GTF2H1: variants seen among roughly 807,000 people sequenced by gnomAD.
GTF2H1 encodes the protein BTF2 p62.
A neutral mutation model predicts 71.2 loss-of-function variants in GTF2H1; 16 were observed. That is an observed-to-expected ratio of 0.22 (90% confidence interval 0.15 to 0.34). The LOEUF is 0.34. Among genes scored for constraint, GTF2H1 ranks in the 10% least tolerant of loss-of-function variants. The pLI is 1.00. For synonymous variants in GTF2H1, 215 were observed against 219.0 expected, an observed-to-expected ratio of 0.98 and a Z score of 0.16; for missense variants, 498 against 648.2, an observed-to-expected ratio of 0.77 and a Z score of 2.52.
intron 11 of GTF2H1, among the ~76,000 whole-genome samples, chr11:18,355,484 A>AAAAC (rs1565017639): frequency 6.7e-6 from 1 of 149,840 alleles, no homozygotes; most frequent in East Asian, 2.0e-4. Flanking sequence ...AACATACAGT[A>AAAAC]AAATAAATAA....
intron 7 of GTF2H1, among the ~76,000 whole-genome samples, chr11:18,342,258 T>TTG (rs1323313722): frequency 4.6e-4 from 58 of 126,948 alleles, no homozygotes; most frequent in African/African-American, 1.8e-3. Context: ...GTCTCTTTTT[T>TTG]TTTTTTTTTT....
At chr11:18,348,453 T>C (rs561848213) in intron 9 of GTF2H1, 2 of 156,044 alleles carry the variant, frequency 1.3e-5, no homozygotes, top group African/African-American at 4.8e-5. Flanking sequence ...TGTACCTCCC[T>C]TCCTAATTAT....
intron 2 of GTF2H1, among the ~76,000 whole-genome samples, chr11:18,334,429 T>C (rs1314469503): frequency 6.6e-6 from 1 of 152,228 alleles, no homozygotes; most frequent in Non-Finnish European, 1.5e-5. Flanking sequence ...TACTAGCTAA[T>C]AGCCTTAGCT....
At chr11:18,340,363 C>T (rs1217829618) in intron 5 of GTF2H1, among the ~76,000 whole-genome samples, 2 of 152,070 alleles carry the variant, frequency 1.3e-5, no homozygotes, top group Non-Finnish European at 2.9e-5. Context: ...TCTTGGCTCA[C>T]TGCAACCTCC....
At chr11:18,352,536 T>A (rs1865450619) in intron 11 of GTF2H1, 90 bp downstream of exon 11, 1 of 608,344 alleles carries the variant, frequency 1.6e-6, no homozygotes, top group African/African-American at 1.9e-5. Flanking sequence ...ACAACTAATA[T>A]TTTAATTGGG....
At chr11:18,336,438 A>T (rs1383893752) in intron 3 of GTF2H1, among the ~76,000 whole-genome samples, 2 of 151,748 alleles carry the variant, frequency 1.3e-5, no homozygotes, top group East Asian at 1.9e-4. Context: ...ACCTATCCTC[A>T]CTTTTGCTAT....
chr11:18,341,438 G>A (rs758491942), intron 6 of GTF2H1, 28 bp downstream of exon 6: 2 of 1,611,436 alleles, frequency 1.2e-6, no homozygotes, highest in Non-Finnish European at 8.5e-7. Context: ...ATAGACACTG[G>A]TATTTAACTT....
At position 18,322,571 on chromosome 11, in the gene GTF2H1, T is replaced by G. The variant is rs565148806; in HGVS notation, c.-185T>G. 1 of 152,128 alleles carries G rather than the reference T, an allele frequency of 6.6e-6. No individual in the cohort carries two copies. The highest frequency in any genetic ancestry group is 6.5e-5 in the Admixed American group (1 of 15,276). 9.4% of individuals were successfully genotyped at this position (152,128 alleles called of 1,614,324 possible). On this transcript the variant is annotated 5_prime_UTR_variant, in exon 1 of 15. Transcript: ENST00000265963. ...TACTTCCGGTCACGTGCCCTCAGAC[T>G]CCTCGCAGCCAGCGATGGAGGCGAG...
intron 14 of GTF2H1, among the ~76,000 whole-genome samples, chr11:18,365,569 G>A (rs148765273): frequency 3.3e-4 from 50 of 152,096 alleles, no homozygotes; most frequent in African/African-American, 1.2e-3. Context: ...CATTACAACC[G>A]CAGCCTTTTC....
At chr11:18,363,931 G>A (rs533890047) in intron 14 of GTF2H1, among the ~76,000 whole-genome samples, 32 of 152,124 alleles carry the variant, frequency 2.1e-4, no homozygotes, top group Middle Eastern at 6.8e-3. Flanking sequence ...AAAATTAGCC[G>A]GGCGTTGTGG....
intron 7 of GTF2H1, among the ~76,000 whole-genome samples, chr11:18,346,817 C>T (rs1465181558): frequency 6.7e-6 from 1 of 148,592 alleles, no homozygotes; most frequent in Non-Finnish European, 1.5e-5. Context: ...CTCACTGCCA[C>T]CTCTGCCTCC....
At chr11:18,332,815 A>G in intron 1 of GTF2H1, 1 of 283,216 alleles carries the variant, frequency 3.5e-6, no homozygotes, top group Non-Finnish European at 6.5e-6. Context: ...AATTAATAAT[A>G]CTCATTAGCA....
chr11:18,364,161 G>C (rs1008579544), intron 14 of GTF2H1, among the ~76,000 whole-genome samples: 1 of 152,046 alleles, frequency 6.6e-6, no homozygotes, highest in Non-Finnish European at 1.5e-5. Flanking sequence ...TATAGATACT[G>C]CTGCCCATCA....
At chr11:18,353,640 T>C (rs1865476990) in intron 11 of GTF2H1, among the ~76,000 whole-genome samples, 1 of 152,228 alleles carries the variant, frequency 6.6e-6, no homozygotes, top group African/African-American at 2.4e-5. Flanking sequence ...ATTTGTTTTT[T>C]CCTTTTCTCC....
chr11:18,351,162 A>G (rs549511385), intron 9 of GTF2H1, among the ~76,000 whole-genome samples: 1 of 152,166 alleles, frequency 6.6e-6, no homozygotes, highest in South Asian at 2.1e-4. Context: ...GCATGGTAGC[A>G]TGTGTCTGTA....
In GTF2H1 at chr11:18,347,659, C is replaced by G. The variant is rs1865326720; in HGVS notation, c.909C>G (p.Ile303Met). ...TAAAAGAGAATAGTAATGCTGCCAT[C>G]ATCAAGAGATTTAACCATCACAGTG... is the stretch of plus-strand genomic sequence containing the variant. ...KSIKENSNAA[I>M]IKRFNHHSAM... Residue 303 changes from isoleucine to methionine, a missense_variant, in exon 8 of 15, where the codon ATC becomes ATG. This residue lies in a region of GTF2H1 where 266 missense variants were observed against 301.6 expected (regional missense o/e 0.88). Coordinates refer to ENST00000265963, the MANE Select transcript of GTF2H1 (RefSeq NM_005316.4). 2 of 1,612,384 alleles carry G rather than the reference C, an allele frequency of 1.2e-6. No individual in the cohort carries two copies. The highest frequency in any genetic ancestry group is 1.7e-6 in the Non-Finnish European group (2 of 1,178,392).
At chr11:18,327,984 G>GA (rs1766096674) in intron 1 of GTF2H1, among the ~76,000 whole-genome samples, 1 of 152,104 alleles carries the variant, frequency 6.6e-6, no homozygotes, top group Non-Finnish European at 1.5e-5. Flanking sequence ...TGAGGCGGGG[G>GA]ATCACTAGGT....
intron 1 of GTF2H1, among the ~76,000 whole-genome samples, chr11:18,323,852 A>G (rs1864664252): frequency 6.6e-6 from 1 of 152,220 alleles, no homozygotes; most frequent in African/African-American, 2.4e-5. Context: ...AAAGTTGCCA[A>G]CCTTAAGATT....
rs749850736 is a variant in GTF2H1, at chr11:18,341,278, G to A, written c.625G>A (p.Glu209Lys). ...TYPAVKMKYA[E>K]NVPHNMTEKE... The stretch of plus-strand genomic sequence containing the variant: ...TTCCACAGTAAAAATGAAATATGCA[G>A]AAAATGTTCCCCACAACATGACAGA... Residue 209 changes from glutamate to lysine, a missense_variant, in exon 6 of 15, where the codon GAA becomes AAA. Physicochemically the swap from Glu to Lys is moderately conservative, Grantham distance 56 (BLOSUM62 1). This residue lies in a region of GTF2H1 where 216 missense variants were observed against 306.2 expected (regional missense o/e 0.71). Coordinates refer to ENST00000265963, the MANE Select transcript of GTF2H1 (RefSeq NM_005316.4). The A allele has an allele frequency of 1.2e-6, 2 of 1,610,416 alleles. No homozygotes were observed. The highest frequency in any genetic ancestry group is 1.3e-5 in the African/African-American group (1 of 74,880).
Sources: gnomAD v4.1 joint callset for allele counts (sites outside exome capture counted in the v4.1 genomes callset) on GRCh38, gnomAD v4.1.1 for gene constraint, gnomAD v4.1.1 regional missense constraint, MANE v1.5 for transcripts, NCBI Gene and HGNC (gene_info 2026-07-23, HGNC 2026-07-21) for gene names.